NCKAP5: variants seen among roughly 807,000 people sequenced by gnomAD.
NCKAP5 encodes the protein nck-associated protein 5.
In NCKAP5, 92 loss-of-function variants were observed where a neutral mutation model predicts 167.0. That is an observed-to-expected ratio of 0.55 (90% CI 0.47 to 0.66). The LOEUF is 0.66. Among genes scored for constraint, NCKAP5 ranks in the 30% least tolerant of loss-of-function variants. NCKAP5 has a pLI of 0.00. For synonymous variants in NCKAP5, 891 were observed against 877.4 expected, an observed-to-expected ratio of 1.02 and a Z score of -0.27; for missense variants, 2,378 against 2,315.0, an observed-to-expected ratio of 1.03 and a Z score of -0.56.
chr2:133,208,674 T>G (rs1403421996), intron 5 of NCKAP5, among the ~76,000 whole-genome samples: 1 of 152,198 alleles, frequency 6.6e-6, no homozygotes, highest in Non-Finnish European at 1.5e-5. Context: ...TGGACTTCAT[T>G]AATAGTGTAT....
intron 7 of NCKAP5, among the ~76,000 whole-genome samples, chr2:132,978,854 C>G (rs560289555): frequency 1.3e-5 from 2 of 152,214 alleles, no homozygotes; most frequent in Non-Finnish European, 2.9e-5. Flanking sequence ...ATAACTCCCA[C>G]TAAGCTGTAA....
intron 5 of NCKAP5, among the ~76,000 whole-genome samples, chr2:133,193,438 A>T (rs1249932892): frequency 6.6e-6 from 1 of 152,138 alleles, no homozygotes; most frequent in Non-Finnish European, 1.5e-5. Flanking sequence ...ATGATTTCTT[A>T]CAACTTCATG....
the NCKAP5 span, among the ~76,000 whole-genome samples, chr2:133,645,578 T>G: frequency 6.6e-6 from 1 of 152,160 alleles, no homozygotes; most frequent in South Asian, 2.1e-4. Context: ...TTTCATTTAT[T>G]TGTGTTTTCT....
rs930833527 is a variant in NCKAP5, at chr2:132,728,731, C to T, written c.5580+85G>A. ...CAGCAAATTTCATTTAAAGTGAAATCTATCATAAAAGTGTTTTTAGGGTAC... is the reference window on the plus strand; with the variant it reads ...CAGCAAATTTCATTTAAAGTGAAATTTATCATAAAAGTGTTTTTAGGGTAC... On this transcript the variant is annotated intron_variant, in intron 18 of 19. Transcript: ENST00000409261. 7 of 1,519,144 alleles carry T rather than the reference C, an allele frequency of 4.6e-6. No homozygotes were observed. In the African/African-American group the frequency reaches 9.7e-5, roughly 21 times the overall value. The allele number at this position is 1,519,144 out of a possible 1,614,324, so 94.1% of individuals were successfully genotyped here.
At chr2:133,307,517 A>T (rs1341535365) in intron 3 of NCKAP5, among the ~76,000 whole-genome samples, 2 of 152,208 alleles carry the variant, frequency 1.3e-5, no homozygotes, top group African/African-American at 4.8e-5. Flanking sequence ...GTGAAGAAAA[A>T]AAAGGGGGAC....
Position 132,806,189 on chromosome 2 carries a change from G to A in NCKAP5, c.808-9460C>T, listed in dbSNP as rs534886226. On this transcript the variant is annotated intron_variant, in intron 11 of 19. Coordinates refer to ENST00000409261, the MANE Select transcript of NCKAP5 (RefSeq NM_207363.3). ...TCCACTCATTGACTGATGGGCATGT[G>A]GGTTGGTTACACAATTTTGCAATTG... Among the ~76,000 whole-genome samples, 4 of 152,266 alleles carry A rather than the reference G, an allele frequency of 2.6e-5. 1 individual carries two copies. The South Asian group carries it at 6.2e-4, about 24-fold the overall frequency.
intron 8 of NCKAP5, among the ~76,000 whole-genome samples, chr2:132,882,077 G>A (rs1691802597): frequency 6.6e-6 from 1 of 152,138 alleles, no homozygotes; most frequent in Non-Finnish European, 1.5e-5. Context: ...CTTTGGGCAG[G>A]TGAGCCCCTT....
intron 4 of NCKAP5, among the ~76,000 whole-genome samples, chr2:133,254,507 T>C (rs889665759): frequency 1.3e-5 from 2 of 152,214 alleles, no homozygotes; most frequent in South Asian, 2.1e-4. Context: ...CTCAGAATTG[T>C]GAGAGATAGT....
chr2:133,214,516 T>C (rs950601889), intron 4 of NCKAP5, among the ~76,000 whole-genome samples: 1 of 152,240 alleles, frequency 6.6e-6, no homozygotes, highest in African/African-American at 2.4e-5. Flanking sequence ...TTAGTACTCC[T>C]TATTTAACAA....
chr2:133,257,348 C>T (rs2088667772), intron 4 of NCKAP5, among the ~76,000 whole-genome samples: 1 of 152,182 alleles, frequency 6.6e-6, no homozygotes, highest in African/African-American at 2.4e-5. Context: ...TAGTCTGAAT[C>T]ATTTGTAAGC....
chr2:133,367,596 C>A (rs1227746469), intron 3 of NCKAP5, among the ~76,000 whole-genome samples: 1 of 152,120 alleles, frequency 6.6e-6, no homozygotes, highest in Non-Finnish European at 1.5e-5. Flanking sequence ...ACTGCCATCT[C>A]TTATTCAAAC....
At chr2:133,665,054 AG>A in the NCKAP5 span, among the ~76,000 whole-genome samples, 1 of 152,250 alleles carries the variant, frequency 6.6e-6, no homozygotes, top group African/African-American at 2.4e-5. Context: ...CTTTGGCTTA[AG>A]GAAATGTTAT....
chr2:133,584,250 C>T, the NCKAP5 span, among the ~76,000 whole-genome samples: 1 of 152,124 alleles, frequency 6.6e-6, no homozygotes, highest in East Asian at 1.9e-4. Context: ...AAAATATTCT[C>T]TTAAGAAAGC....
chr2:133,480,754 C>T (rs1479633147), intron 3 of NCKAP5, among the ~76,000 whole-genome samples: 6 of 152,174 alleles, frequency 3.9e-5, no homozygotes, highest in Non-Finnish European at 7.3e-5. Context: ...ACTCCTACTC[C>T]GTGGATTCAC....
At chr2:132,946,048 A>ATT (rs1697696758) in intron 8 of NCKAP5, among the ~76,000 whole-genome samples, 1 of 152,252 alleles carries the variant, frequency 6.6e-6, no homozygotes, top group Non-Finnish European at 1.5e-5. Flanking sequence ...AGAGATTTGC[A>ATT]TTTTAATACA....
At chr2:133,605,209 C>T in the NCKAP5 span, among the ~76,000 whole-genome samples, 1 of 152,166 alleles carries the variant, frequency 6.6e-6, no homozygotes, top group Non-Finnish European at 1.5e-5. Flanking sequence ...AGCCACTGCC[C>T]CCTCTTCTCA....
At chr2:133,321,342 G>A (rs187829437) in intron 3 of NCKAP5, among the ~76,000 whole-genome samples, 19 of 152,218 alleles carry the variant, frequency 1.2e-4, no homozygotes, top group South Asian at 1.0e-3. Context: ...ACTCCACACC[G>A]GATCATTGTG....
intron 3 of NCKAP5, among the ~76,000 whole-genome samples, chr2:133,414,602 T>G (rs1688988689): frequency 6.6e-6 from 1 of 152,170 alleles, no homozygotes; most frequent in African/African-American, 2.4e-5. Flanking sequence ...AGTTATGAAA[T>G]GATACTTTTT....
intron 3 of NCKAP5, among the ~76,000 whole-genome samples, chr2:133,308,290 A>G (rs111444254): frequency 0.16 from 23,375 of 150,736 alleles, 2,265 homozygotes; most frequent in African/African-American, 0.27. Flanking sequence ...GGGTTTCACC[A>G]TTTTAGCCGG....
Sources: allele counts gnomAD v4.1 joint callset (sites outside exome capture counted in the v4.1 genomes callset), GRCh38; gene constraint gnomAD v4.1.1; transcripts MANE v1.5; gene names NCBI Gene and HGNC (gene_info 2026-07-23, HGNC 2026-07-21).